PARD3B: variants seen among roughly 807,000 people sequenced by gnomAD.
The protein encoded by PARD3B is partitioning defective 3 homolog B.
In PARD3B, 103 loss-of-function variants were observed where a neutral mutation model predicts 130.2. The observed-to-expected ratio is 0.79, with a 90% confidence interval of 0.67 to 0.93. The LOEUF (loss-of-function observed/expected upper bound fraction) is 0.93, where lower values mean the gene tolerates loss of function less well. PARD3B is among the 40% of genes least tolerant of loss of function. The pLI, the probability that PARD3B is intolerant of heterozygous loss-of-function variation, is 0.00. For synonymous variants in PARD3B, 583 were observed against 553.2 expected, an observed-to-expected ratio of 1.05 and a Z score of -0.76; for missense variants, 1,609 against 1,499.2, an observed-to-expected ratio of 1.07 and a Z score of -1.21.
At chr2:205,064,751 C>G (rs1457561305) in intron 4 of PARD3B, among the ~76,000 whole-genome samples, 2 of 152,114 alleles carry the variant, frequency 1.3e-5, no homozygotes, top group Non-Finnish European at 2.9e-5. Flanking sequence ...AAAAAGATGG[C>G]TTGATGTGGA....
intron 2 of PARD3B, among the ~76,000 whole-genome samples, chr2:204,755,138 A>T (rs2040612400): frequency 6.6e-6 from 1 of 152,122 alleles, no homozygotes. Context: ...TCAGAACTCC[A>T]GTTCAGGCAC....
intron 2 of PARD3B, among the ~76,000 whole-genome samples, chr2:204,743,022 C>T (rs2040072361): frequency 6.6e-6 from 1 of 152,170 alleles, no homozygotes; most frequent in Admixed American, 6.5e-5. Context: ...CAACATGGCT[C>T]TAAGCAAGTT....
At chr2:205,132,438 C>T (rs1277657520) in intron 10 of PARD3B, among the ~76,000 whole-genome samples, 1 of 152,102 alleles carries the variant, frequency 6.6e-6, no homozygotes, top group Non-Finnish European at 1.5e-5. Flanking sequence ...TCTCTACTCT[C>T]ATTCCAAACT....
intron 18 of PARD3B, among the ~76,000 whole-genome samples, chr2:205,302,065 CTTTTTTTTTT>C (rs3048088): frequency 2.6e-5 from 2 of 77,780 alleles, no homozygotes; most frequent in African/African-American, 5.3e-5. Context: ...TTTTTCTTTT[CTTTTTTTTTT>C]TTTTTTTTTT....
At chr2:205,434,862 A>T (rs1463781888) in intron 19 of PARD3B, among the ~76,000 whole-genome samples, 1 of 134,980 alleles carries the variant, frequency 7.4e-6, no homozygotes, top group East Asian at 2.6e-4. Context: ...TACAACTTGT[A>T]GTTGTTAGGA....
At position 205,572,176 on chromosome 2, in the gene PARD3B, C is replaced by T. The variant is rs1575394256; in HGVS notation, c.3260+18773C>T. On this transcript the variant is annotated intron_variant, in intron 22 of 22. Coordinates refer to ENST00000406610, the MANE Select transcript of PARD3B (RefSeq NM_001302769.2). This position sits in a 1 kb window ranked among gnomAD's most constrained non-coding sequence, Gnocchi z 4.2. Reference sequence around the variant, plus strand: ...AAGTATTCTTCCATAAAACACAGTTCTTATCTCTAGGGATTTTCAGTCTCT... The same window carrying T: ...AAGTATTCTTCCATAAAACACAGTTTTTATCTCTAGGGATTTTCAGTCTCT... 1.3e-5 allele frequency among the ~76,000 whole-genome samples: 2 copies of T among 152,258 alleles called. No individual in the cohort carries two copies. The highest frequency in any genetic ancestry group is 6.8e-3 in the Middle Eastern group (2 of 294).
intron 20 of PARD3B, among the ~76,000 whole-genome samples, chr2:205,492,001 A>G (rs1400802041): frequency 2.0e-5 from 3 of 152,176 alleles, no homozygotes; most frequent in African/African-American, 4.8e-5. Flanking sequence ...CCTAACTTGC[A>G]TGTTAACCTC....
rs1699233408 is a variant in PARD3B at position 205,052,156 on chromosome 2, C to G, written c.504+4466C>G. ...CTTGCAATGGAACAGAACTCTAAAA[C>G]AGATGTGATTTTTTTCTTAATATCC... On this transcript the variant is annotated intron_variant, in intron 4 of 22. Coordinates refer to ENST00000406610, the MANE Select transcript of PARD3B (RefSeq NM_001302769.2). Among the ~76,000 whole-genome samples the G allele has an allele frequency of 2.0e-5, 3 of 151,854 alleles. 1 individual carries two copies. Among genetic ancestry groups the G allele is most frequent in the South Asian group, 2.1e-4 (1 of 4,818 alleles).
Position 205,005,316 on chromosome 2 carries a change from A to G in PARD3B, c.394+39993A>G, listed in dbSNP as rs116384480. On this transcript the variant is annotated intron_variant, in intron 3 of 22. Coordinates refer to ENST00000406610, the MANE Select transcript of PARD3B (RefSeq NM_001302769.2). ...TGTTACACTGGGAAAGTGAGGATGA[A>G]GAAAGCTGAAGGTGGTTGGTATGAA... is the stretch of plus-strand genomic sequence containing the variant. 4.1e-3 allele frequency among the ~76,000 whole-genome samples: 620 copies of G among 152,356 alleles called. 6 individuals carry two copies. The highest frequency in any genetic ancestry group is 0.013 in the African/African-American group (532 of 41,580).
intron 2 of PARD3B, among the ~76,000 whole-genome samples, chr2:204,792,673 A>G (rs532338380): frequency 2.6e-5 from 4 of 152,228 alleles, no homozygotes; most frequent in East Asian, 1.9e-4. Flanking sequence ...CACCAAATAC[A>G]TGTACTTCAA....
intron 4 of PARD3B, among the ~76,000 whole-genome samples, chr2:205,054,044 A>C (rs1699420848): frequency 6.6e-6 from 1 of 152,030 alleles, no homozygotes; most frequent in African/African-American, 2.4e-5. Context: ...TAAGAGATAA[A>C]GCTGCCATCC....
chr2:205,035,560 G>A (rs1697759326), intron 3 of PARD3B, among the ~76,000 whole-genome samples: 1 of 151,422 alleles, frequency 6.6e-6, no homozygotes, highest in African/African-American at 2.4e-5. Context: ...TTACAGTACT[G>A]GTGCAAAAAC....
Position 204,606,858 on chromosome 2 carries a change from G to A in PARD3B, c.120+60739G>A, listed in dbSNP as rs1258470496. Among the ~76,000 whole-genome samples, 1 of 152,154 alleles carries A rather than the reference G, an allele frequency of 6.6e-6. No individual in the cohort carries two copies. Among genetic ancestry groups the A allele is most frequent in the African/African-American group, 2.4e-5 (1 of 41,438 alleles). On this transcript the variant is annotated intron_variant, in intron 1 of 22. Transcript: ENST00000406610. The surrounding 1 kb of genome is among the most constrained non-coding windows in gnomAD (Gnocchi z 4.0). ...GAGAGTAAAACAAAATCTTAAAGTA[G>A]CAGTTTTGTTTGTGTGTGTGGTTTT... is the stretch of plus-strand genomic sequence containing the variant.
chr2:205,131,546 C>A (rs932172682), intron 10 of PARD3B, among the ~76,000 whole-genome samples: 3 of 152,028 alleles, frequency 2.0e-5, no homozygotes, highest in African/African-American at 7.3e-5. Flanking sequence ...GAGCTTCTAG[C>A]CCATAAAGAA....
intron 3 of PARD3B, among the ~76,000 whole-genome samples, chr2:205,001,658 G>C (rs1559345400): frequency 6.6e-6 from 1 of 152,188 alleles, no homozygotes; most frequent in Non-Finnish European, 1.5e-5. Flanking sequence ...TGCTTTTGCT[G>C]TTCACTCATT....
chr2:205,077,985 A>G (rs1701179699), intron 4 of PARD3B, among the ~76,000 whole-genome samples: 1 of 152,208 alleles, frequency 6.6e-6, no homozygotes, highest in Non-Finnish European at 1.5e-5. Context: ...TGCATTTGTC[A>G]CAAATTAAAC....
intron 20 of PARD3B, among the ~76,000 whole-genome samples, chr2:205,451,952 C>G (rs992203838): frequency 7.9e-5 from 12 of 152,138 alleles, no homozygotes; most frequent in African/African-American, 2.7e-4. Context: ...CATTAACCAT[C>G]CCCACCTCCC....
chr2:204,620,159 GC>G (rs916795857), intron 1 of PARD3B, among the ~76,000 whole-genome samples: 54 of 152,128 alleles, frequency 3.5e-4, no homozygotes, highest in Non-Finnish European at 6.8e-4. Context: ...GTGCCACCAT[GC>G]CCGGCTAATT....
intron 2 of PARD3B, among the ~76,000 whole-genome samples, chr2:204,693,466 T>C (rs980744898): frequency 1.1e-4 from 17 of 152,038 alleles, no homozygotes; most frequent in African/African-American, 3.6e-4. Context: ...TGCCTTAGTT[T>C]CATCATGGAT....
Sources: gnomAD v4.1 joint callset for allele counts (sites outside exome capture counted in the v4.1 genomes callset) on GRCh38, gnomAD v4.1.1 for gene constraint, Gnocchi (gnomAD v3.1) non-coding constraint, MANE v1.5 for transcripts, NCBI Gene and HGNC (gene_info 2026-07-23, HGNC 2026-07-21) for gene names.